The following NSF variants were observed in gnomAD, a reference collection of about 807,000 sequenced individuals.
NSF encodes the protein N-ethylmaleimide sensitive factor, vesicle fusing ATPase.
A neutral mutation model predicts 50.3 loss-of-function variants in NSF; 14 were observed. The observed-to-expected ratio is 0.28, with a 90% CI of 0.18 to 0.44. The LOEUF (loss-of-function observed/expected upper bound fraction) is 0.44. Ranked by LOEUF, NSF falls within the 20% of genes least tolerant of loss-of-function variation. NSF has a pLI of 1.00. For synonymous variants in NSF, 109 were observed against 175.7 expected (o/e 0.62, Z 3.00); for missense variants, 218 against 504.3 (o/e 0.43, Z 5.44).
chr17:46,735,500 A>C (rs1460014700), intron 17 of NSF, among the ~76,000 whole-genome samples: 1 of 151,592 alleles, frequency 6.6e-6, no homozygotes, highest in African/African-American at 2.4e-5. Context: ...GTCTTAGCTC[A>C]GATATCATCT....
chr17:46,741,924 C>A (rs1001738470), intron 17 of NSF, among the ~76,000 whole-genome samples: 1 of 152,196 alleles, frequency 6.6e-6, no homozygotes, highest in Non-Finnish European at 1.5e-5. Context: ...TGCCACCACG[C>A]CTGGCTAATT....
At chr17:46,745,406 T>C (rs2059118386) in intron 17 of NSF, among the ~76,000 whole-genome samples, 1 of 152,226 alleles carries the variant, frequency 6.6e-6, no homozygotes, top group Admixed American at 6.5e-5. Context: ...TTTGCAGTTT[T>C]TGGAGTCTTG....
At chr17:46,620,310 G>T in intron 1 of NSF, among the ~76,000 whole-genome samples, 1 of 9,232 alleles carries the variant, frequency 1.1e-4, no homozygotes, top group Non-Finnish European at 1.7e-4. Context: ...TTTTTCTCTC[G>T]CTCTCTTTTT....
chr17:46,734,373 A>T (rs1422161838), intron 17 of NSF, among the ~76,000 whole-genome samples: 2 of 152,030 alleles, frequency 1.3e-5, no homozygotes, highest in African/African-American at 2.4e-5. Context: ...TGACTTTTGC[A>T]TTGGGCTTCA....
chr17:46,715,976 A>C (rs748207653), intron 15 of NSF, among the ~76,000 whole-genome samples: 2 of 152,250 alleles, frequency 1.3e-5, no homozygotes, highest in Non-Finnish European at 2.9e-5. Flanking sequence ...AATTTATATT[A>C]GAATTTTTGG....
intron 15 of NSF, among the ~76,000 whole-genome samples, chr17:46,716,549 G>A (rs1016902697): frequency 6.6e-6 from 1 of 152,114 alleles, no homozygotes; most frequent in African/African-American, 2.4e-5. Context: ...GAGCCACCGC[G>A]CCCGGCCTGC....
At chr17:46,748,932 T>G (rs897349337) in intron 17 of NSF, among the ~76,000 whole-genome samples, 1 of 152,128 alleles carries the variant, frequency 6.6e-6, no homozygotes, top group African/African-American at 2.4e-5. Flanking sequence ...TAATAAATAC[T>G]GAATATAGAT....
intron 15 of NSF, among the ~76,000 whole-genome samples, chr17:46,725,934 A>C (rs1468680671): frequency 1.3e-5 from 2 of 152,172 alleles, no homozygotes; most frequent in African/African-American, 4.8e-5. Context: ...AAATTACTAC[A>C]TCCTTGCCAG....
At chr17:46,742,666 A>G (rs951126250) in intron 17 of NSF, among the ~76,000 whole-genome samples, 2 of 152,170 alleles carry the variant, frequency 1.3e-5, no homozygotes, top group Admixed American at 6.5e-5. Flanking sequence ...CTTGGAGGGA[A>G]AGGCCTGTGT....
At chr17:46,726,110 T>C (rs147135678) in intron 15 of NSF, among the ~76,000 whole-genome samples, 19 of 152,342 alleles carry the variant, frequency 1.2e-4, no homozygotes, top group African/African-American at 4.6e-4. Flanking sequence ...CTGATTTGAG[T>C]TGACAGAATT....
At chr17:46,724,869 G>A (rs1381242315) in intron 15 of NSF, among the ~76,000 whole-genome samples, 2 of 151,968 alleles carry the variant, frequency 1.3e-5, no homozygotes, top group Admixed American at 6.6e-5. Flanking sequence ...GGCTTCCTCT[G>A]TCATGGTTTC....
At chr17:46,707,580 T>G (rs1392935131) in intron 13 of NSF, among the ~76,000 whole-genome samples, 1 of 152,160 alleles carries the variant, frequency 6.6e-6, no homozygotes, top group East Asian at 1.9e-4. Context: ...CATTCTACTG[T>G]CCATCTTTAT....
intron 17 of NSF, among the ~76,000 whole-genome samples, chr17:46,731,308 A>G (rs1278621131): frequency 6.6e-6 from 1 of 152,106 alleles, no homozygotes; most frequent in Non-Finnish European, 1.5e-5. Context: ...CAGAAAATAT[A>G]TTTGGGATGG....
chr17:46,605,448 C>CA (rs140483965), intron 1 of NSF, among the ~76,000 whole-genome samples: 3 of 118,056 alleles, frequency 2.5e-5, no homozygotes, highest in Non-Finnish European at 3.6e-5. Context: ...AACTCCATCT[C>CA]AAAAAAAAAA....
chr17:46,679,140 A>T (rs1470539918), intron 9 of NSF, among the ~76,000 whole-genome samples: 3 of 152,044 alleles, frequency 2.0e-5, no homozygotes, highest in South Asian at 2.1e-4. Context: ...TTACCATAAA[A>T]ATCAGATTGT....
intron 18 of NSF, among the ~76,000 whole-genome samples, chr17:46,751,057 T>TA (rs2146340503): frequency 6.6e-6 from 1 of 152,296 alleles, no homozygotes; most frequent in South Asian, 2.1e-4. Context: ...TAAAGCTTCT[T>TA]AAAGTCCTCA....
intron 19 of NSF, among the ~76,000 whole-genome samples, chr17:46,754,337 AAAAG>A (rs760066548): frequency 1.1e-4 from 16 of 152,184 alleles, no homozygotes; most frequent in Middle Eastern, 3.4e-3. Context: ...TCTTAAAAAA[AAAAG>A]AAAGAAAAGA....
chr17:46,738,223 T>C (rs1233844630), intron 17 of NSF, among the ~76,000 whole-genome samples: 1 of 152,106 alleles, frequency 6.6e-6, no homozygotes, highest in Non-Finnish European at 1.5e-5. Context: ...TGTGAGCCAT[T>C]ACACCCAGCC....
At chr17:46,715,355 C>T (rs2058758178) in intron 15 of NSF, among the ~76,000 whole-genome samples, 1 of 152,088 alleles carries the variant, frequency 6.6e-6, no homozygotes, top group Non-Finnish European at 1.5e-5. Flanking sequence ...TTTTCGTTTT[C>T]CCTCTGATGG....
Sources: gnomAD v4.1 joint callset for allele counts (sites outside exome capture counted in the v4.1 genomes callset) on GRCh38, gnomAD v4.1.1 for gene constraint, MANE v1.5 for transcripts, NCBI Gene and HGNC (gene_info 2026-07-23, HGNC 2026-07-21) for gene names.